Variants in C9orf85 observed in about 807,000 individuals in gnomAD.
C9orf85 encodes the protein chromosome 9 open reading frame 85.
Under a neutral mutation model 14.9 loss-of-function variants are expected in C9orf85, and 16 were observed. That is an observed-to-expected ratio of 1.08 (90% CI 0.73 to 1.63). The LOEUF (loss-of-function observed/expected upper bound fraction) is 1.63, where lower values mean the gene tolerates loss of function less well. C9orf85 is among the 40% of genes most tolerant of loss of function. C9orf85 has a pLI of 0.00. For missense variants in C9orf85, 172 were observed against 186.1 expected, an observed-to-expected ratio of 0.92 and a Z score of 0.44; for synonymous variants, 45 against 56.8, an observed-to-expected ratio of 0.79 and a Z score of 0.93.
chr9:71,936,781 T>G (rs2132286393), intron 1 of C9orf85, among the ~76,000 whole-genome samples: 1 of 150,584 alleles, frequency 6.6e-6, no homozygotes, highest in Admixed American at 6.6e-5. Flanking sequence ...TTTTTTTTTT[T>G]TTTTTTTTGA....
chr9:71,959,593 T>C (rs1482783560), intron 2 of C9orf85, among the ~76,000 whole-genome samples: 2 of 152,210 alleles, frequency 1.3e-5, no homozygotes, highest in Non-Finnish European at 2.9e-5. Flanking sequence ...CTAGATTTTT[T>C]AAAGTTTCAT....
downstream of C9orf85, chr9:71,983,470 T>C (rs991976591): frequency 6.6e-6 from 1 of 152,222 alleles, no homozygotes; most frequent in Non-Finnish European, 1.5e-5. Context: ...AAATATTTTC[T>C]CGCTGTCTGT....
intron 2 of C9orf85, 123 bp downstream of exon 2, chr9:71,947,235 C>T: frequency 1.5e-6 from 1 of 650,772 alleles, no homozygotes; most frequent in Non-Finnish European, 2.5e-6. Flanking sequence ...AAATTCCATT[C>T]TCCCCTGTAG....
intron 1 of C9orf85, among the ~76,000 whole-genome samples, chr9:71,944,233 C>CA (rs34012700): frequency 7.7e-4 from 16 of 20,662 alleles, no homozygotes; most frequent in East Asian, 5.6e-3. Flanking sequence ...GACTCTGTCT[C>CA]AAAAAAAAAA....
intron 1 of C9orf85, among the ~76,000 whole-genome samples, chr9:71,930,803 CAAAAAAAAAAAAAA>C (rs747596247): frequency 1.6e-5 from 1 of 61,038 alleles, no homozygotes; most frequent in Non-Finnish European, 3.1e-5. Context: ...GACCCTGTCT[CAAAAAAAAAAAAAA>C]AAAAAAAAAA....
intron 2 of C9orf85, among the ~76,000 whole-genome samples, chr9:71,960,516 A>C (rs1300682231): frequency 1.3e-5 from 2 of 152,116 alleles, no homozygotes; most frequent in Non-Finnish European, 2.9e-5. Context: ...AAACTGGGTT[A>C]TTATTTTTGT....
intron 1 of C9orf85, among the ~76,000 whole-genome samples, chr9:71,917,597 A>G (rs1827681864): frequency 6.6e-6 from 1 of 152,220 alleles, no homozygotes; most frequent in African/African-American, 2.4e-5. Context: ...TGGCAGAGGC[A>G]TGCAATGGAA....
At chr9:71,982,915 T>C in exon 4 of C9orf85, 1 of 238,960 alleles carries the variant, frequency 4.2e-6, no homozygotes, top group Non-Finnish European at 8.3e-6. Flanking sequence ...ATTACAGGTG[T>C]GAGCCATCAT....
downstream of C9orf85, among the ~76,000 whole-genome samples, chr9:71,976,632 A>T (rs1008006276): frequency 2.6e-5 from 4 of 151,386 alleles, no homozygotes; most frequent in Non-Finnish European, 5.9e-5. Context: ...ACTGCACTCC[A>T]GCCTGGGACA....
At chr9:71,915,394 T>C (rs1589242282) in intron 1 of C9orf85, among the ~76,000 whole-genome samples, 1 of 151,992 alleles carries the variant, frequency 6.6e-6, no homozygotes, top group South Asian at 2.1e-4. Context: ...TTGGCCAGGT[T>C]GGTCACTCCT....
At chr9:71,928,935 TAGGC>T (rs1212147580) in intron 1 of C9orf85, among the ~76,000 whole-genome samples, 2 of 152,162 alleles carry the variant, frequency 1.3e-5, no homozygotes, top group Non-Finnish European at 2.9e-5. Flanking sequence ...CAACTGAAGT[TAGGC>T]AGGTCACATG....
At chr9:71,937,817 G>A (rs2031317) in intron 1 of C9orf85, among the ~76,000 whole-genome samples, 144,847 of 152,186 alleles carry the variant, frequency 0.95, 69,354 homozygotes, top group East Asian at 1. Flanking sequence ...TGATATATGT[G>A]TGCATATCAG....
intron 1 of C9orf85, among the ~76,000 whole-genome samples, chr9:71,925,782 A>C (rs1237161793): frequency 6.6e-6 from 1 of 152,194 alleles, no homozygotes; most frequent in African/African-American, 2.4e-5. Flanking sequence ...TGAGCAGTTA[A>C]ACAAAAAAGC....
intron 1 of C9orf85, among the ~76,000 whole-genome samples, chr9:71,938,715 T>G (rs1184451255): frequency 6.6e-6 from 1 of 151,852 alleles, no homozygotes; most frequent in Non-Finnish European, 1.5e-5. Flanking sequence ...ACAATGTTGT[T>G]CATATGGAAC....
At chr9:71,965,439 G>C (rs1380499799) in intron 2 of C9orf85, among the ~76,000 whole-genome samples, 1 of 151,926 alleles carries the variant, frequency 6.6e-6, no homozygotes, top group Non-Finnish European at 1.5e-5. Flanking sequence ...GTATGACAAG[G>C]ACATGTCAAG....
rs371769753 is a variant in C9orf85 at position 71,929,536 on chromosome 9, G to T, written c.103-17470G>T. 6.6e-5 allele frequency among the ~76,000 whole-genome samples: 10 copies of T among 152,142 alleles called. No individual in the cohort carries two copies. The East Asian group carries it at 1.2e-3, about 18-fold the overall frequency. On this transcript the variant is annotated intron_variant, in intron 1 of 3. Coordinates refer to ENST00000334731, the MANE Select transcript of C9orf85 (RefSeq NM_182505.5). ...AGATCTCAGTATGTTGAAAATCTGG[G>T]AACAGCATCATAGAAAACTATATCC...
intron 2 of C9orf85, among the ~76,000 whole-genome samples, chr9:71,959,168 A>T (rs1283930363): frequency 6.7e-6 from 1 of 149,394 alleles, no homozygotes; most frequent in African/African-American, 2.5e-5. Flanking sequence ...ACAGAGTTTC[A>T]CTCTTATTGC....
At chr9:71,968,599 C>G (rs572357491) in intron 2 of C9orf85, among the ~76,000 whole-genome samples, 10 of 152,168 alleles carry the variant, frequency 6.6e-5, no homozygotes, top group Admixed American at 2.6e-4. Context: ...AAAATTTTCC[C>G]ATTATTCTTT....
intron 2 of C9orf85, among the ~76,000 whole-genome samples, chr9:71,960,760 T>A (rs1007853646): frequency 6.6e-6 from 1 of 152,024 alleles, no homozygotes; most frequent in Non-Finnish European, 1.5e-5. Flanking sequence ...TTGGCCAGGC[T>A]GGTCTCAAAC....
Sources: allele counts gnomAD v4.1 joint callset (sites outside exome capture counted in the v4.1 genomes callset), GRCh38; gene constraint gnomAD v4.1.1; transcripts MANE v1.5; gene names NCBI Gene and HGNC (gene_info 2026-07-23, HGNC 2026-07-21).